Variants in MSRA observed in about 807,000 individuals in gnomAD.
MSRA encodes the protein mitochondrial peptide methionine sulfoxide reductase.
A neutral mutation model predicts 31.3 loss-of-function variants in MSRA; 54 were observed. The observed-to-expected ratio is 1.73, with a 90% CI of 1.39 to 2.17. The LOEUF is 2.17. Among genes scored for constraint, MSRA ranks in the 30% most tolerant of loss-of-function variants. The pLI is 0.00. For missense variants in MSRA, 507 were observed against 300.9 expected (o/e 1.69, Z -5.07); for synonymous variants, 169 against 116.5 (o/e 1.45, Z -2.90).
intron 1 of MSRA, among the ~76,000 whole-genome samples, chr8:10,087,582 G>C (rs893372262): frequency 6.6e-6 from 1 of 152,204 alleles, no homozygotes; most frequent in Non-Finnish European, 1.5e-5. Flanking sequence ...TAGGGAAATG[G>C]TCCATAACTC....
chr8:10,166,638 G>A (rs1220592725), intron 1 of MSRA, among the ~76,000 whole-genome samples: 3 of 152,164 alleles, frequency 2.0e-5, no homozygotes, highest in South Asian at 2.1e-4. Flanking sequence ...TTTGCATTCT[G>A]TGGGCTGGGG....
chr8:10,281,483 G>A (rs997839308), intron 3 of MSRA, among the ~76,000 whole-genome samples: 14 of 152,104 alleles, frequency 9.2e-5, no homozygotes, highest in Non-Finnish European at 8.8e-5. Context: ...ACAATGCGGC[G>A]GTGCTTACTA....
At chr8:10,393,470 A>G (rs894648887) in intron 5 of MSRA, among the ~76,000 whole-genome samples, 1 of 152,224 alleles carries the variant, frequency 6.6e-6, no homozygotes, top group Middle Eastern at 3.2e-3. Flanking sequence ...TGGCACAAAC[A>G]TTCTATGGCT....
intron 1 of MSRA, among the ~76,000 whole-genome samples, chr8:10,191,628 T>A (rs1233051957): frequency 6.6e-6 from 1 of 152,198 alleles, no homozygotes; most frequent in African/African-American, 2.4e-5. Flanking sequence ...GGGAACAAAG[T>A]TTGTGGAGAA....
intron 2 of MSRA, among the ~76,000 whole-genome samples, chr8:10,209,145 G>A (rs1007485513): frequency 6.6e-6 from 1 of 152,218 alleles, no homozygotes; most frequent in African/African-American, 2.4e-5. Context: ...TGATTTTGTA[G>A]AAGGCATAAT....
chr8:10,068,669 G>C (rs892691418), intron 1 of MSRA, among the ~76,000 whole-genome samples: 1 of 152,286 alleles, frequency 6.6e-6, no homozygotes, highest in East Asian at 1.9e-4. Flanking sequence ...TGTCAGAATA[G>C]ACAAATGTCT....
chr8:10,070,741 C>G (rs964452946), intron 1 of MSRA, among the ~76,000 whole-genome samples: 1 of 152,208 alleles, frequency 6.6e-6, no homozygotes, highest in Non-Finnish European at 1.5e-5. Context: ...TTTACATAAA[C>G]GATGTCATAT....
chr8:10,120,145 C>T (rs1347087376), intron 1 of MSRA, among the ~76,000 whole-genome samples: 1 of 152,090 alleles, frequency 6.6e-6, no homozygotes, highest in Admixed American at 6.5e-5. Context: ...TTCAAGGGAG[C>T]CCATTGATAC....
chr8:10,241,486 C>T (rs1236383760), intron 2 of MSRA, among the ~76,000 whole-genome samples: 3 of 152,176 alleles, frequency 2.0e-5, no homozygotes, highest in East Asian at 3.8e-4. Flanking sequence ...GCAAGTTCGT[C>T]ATCTTGAAGA....
chr8:10,283,822 T>TACAC (rs1362278035), intron 3 of MSRA, among the ~76,000 whole-genome samples: 5 of 72,282 alleles, frequency 6.9e-5, no homozygotes, highest in African/African-American at 1.0e-4. Flanking sequence ...TATATATATA[T>TACAC]ATATATATAT....
chr8:10,413,822 G>A (rs531851221), intron 5 of MSRA, among the ~76,000 whole-genome samples: 1 of 152,308 alleles, frequency 6.6e-6, no homozygotes, highest in South Asian at 2.1e-4. Context: ...GAAAAACGGT[G>A]ATGGTTACAT....
At chr8:10,256,166 T>C (rs1469344143) in intron 3 of MSRA, among the ~76,000 whole-genome samples, 1 of 152,190 alleles carries the variant, frequency 6.6e-6, no homozygotes, top group Non-Finnish European at 1.5e-5. Context: ...ACTGCTGATC[T>C]TTTCGGAGTC....
At chr8:10,111,675 C>T (rs1313214378) in intron 1 of MSRA, among the ~76,000 whole-genome samples, 1 of 152,124 alleles carries the variant, frequency 6.6e-6, no homozygotes, top group Non-Finnish European at 1.5e-5. Flanking sequence ...TGTTCTTGTT[C>T]ATGTTATTGG....
intron 5 of MSRA, among the ~76,000 whole-genome samples, chr8:10,403,293 A>G (rs1290763375): frequency 1.3e-5 from 2 of 152,326 alleles, no homozygotes; most frequent in East Asian, 1.9e-4. Flanking sequence ...GTGATGTCCC[A>G]GGAGAAAAAT....
chr8:10,101,140 G>A (rs575194958), intron 1 of MSRA, among the ~76,000 whole-genome samples: 59 of 152,136 alleles, frequency 3.9e-4, no homozygotes, highest in Non-Finnish European at 7.1e-4. Context: ...TCCCCAAACT[G>A]AGTTTGAATT....
intron 1 of MSRA, among the ~76,000 whole-genome samples, chr8:10,098,211 A>G (rs1228640007): frequency 6.6e-6 from 1 of 152,138 alleles, no homozygotes. Flanking sequence ...GTATATAAAT[A>G]CTATTGGTTT....
intron 4 of MSRA, among the ~76,000 whole-genome samples, chr8:10,305,776 T>C (rs1801103828): frequency 6.6e-6 from 1 of 152,124 alleles, no homozygotes. Flanking sequence ...GGTGTAGGCT[T>C]TTTAAGGTAT....
intron 3 of MSRA, chr8:10,250,484 A>C (rs1797857754): frequency 4.3e-6 from 3 of 702,386 alleles, no homozygotes; most frequent in African/African-American, 1.7e-5. Flanking sequence ...CTGCACAGCC[A>C]AGTGGCACTG....
intron 2 of MSRA, among the ~76,000 whole-genome samples, chr8:10,226,525 G>T (rs908895387): frequency 2.0e-5 from 3 of 152,116 alleles, no homozygotes; most frequent in African/African-American, 7.2e-5. Context: ...GCAGTGTCAT[G>T]GTCATTGGCT....
Sources: allele counts gnomAD v4.1 joint callset (sites outside exome capture counted in the v4.1 genomes callset), GRCh38; gene constraint gnomAD v4.1.1; transcripts MANE v1.5; gene names NCBI Gene and HGNC (gene_info 2026-07-23, HGNC 2026-07-21).